Variants in SELENON observed in about 807,000 individuals in gnomAD.
SELENON encodes the protein selenoprotein N.
SELENON carries 44 observed loss-of-function variants against 59.5 expected under a neutral mutation model. That is an observed-to-expected ratio of 0.74 (90% CI 0.58 to 0.95). The LOEUF is 0.95. Ranked by LOEUF, SELENON falls within the 40% of genes least tolerant of loss-of-function variation. The probability of loss-of-function intolerance (pLI) is 0.00; values close to 1 mark genes in which losing one functional copy is unlikely to be tolerated. For synonymous variants in SELENON, 320 were observed against 305.6 expected (o/e 1.05, Z -0.49); for missense variants, 674 against 721.4 (o/e 0.93, Z 0.75).
At chr1:25,813,034 C>T (rs2047980321) in intron 10 of SELENON, among the ~76,000 whole-genome samples, 1 of 152,200 alleles carries the variant, frequency 6.6e-6, no homozygotes, top group Non-Finnish European at 1.5e-5. Flanking sequence ...GCTTGGTAAC[C>T]TTGACCAAGT....
rs1290299249 is a variant in SELENON at position 25,807,194 on chromosome 1, A to C, written c.538-1386A>C. Among the ~76,000 whole-genome samples, 1 of 152,106 alleles carries C rather than the reference A, an allele frequency of 6.6e-6. No individual in the cohort carries two copies. The highest frequency in any genetic ancestry group is 1.5e-5 in the Non-Finnish European group (1 of 68,032). ...GGTTCAGGGAGGGACAGAAATTCCA[A>C]GGAGGAGCTCACAGGGAAGGGCATT... On this transcript the variant is annotated intron_variant, in intron 4 of 12. Transcript: ENST00000361547. The surrounding 1 kb of genome is among the most constrained non-coding windows in gnomAD (Gnocchi z 4.5).
Position 25,809,751 on chromosome 1 carries a change from C to T in SELENON, c.941C>T (p.Thr314Ile), listed in dbSNP as rs2047942219. 2 of 1,614,152 alleles carry T rather than the reference C, an allele frequency of 1.2e-6. No homozygotes were observed. Among genetic ancestry groups the T allele is most frequent in the East Asian group, 4.5e-5 (2 of 44,880 alleles). Residue 314 changes from threonine (T) to isoleucine (I), a missense_variant, in exon 7 of 13, where the codon ACC (threonine) becomes ATC (isoleucine). Physicochemically the swap from Thr to Ile is moderately conservative, Grantham distance 89 (BLOSUM62 -1). Coordinates refer to ENST00000361547, the MANE Select transcript of SELENON (RefSeq NM_020451.3). ...TTTTGGTTCTCCCCTGCTCAGTTCA[C>T]CGGCCACATCATCCTCTCCAAAGAC...
intron 10 of SELENON, chr1:25,813,568 GTTCCAGGTAGAGGAACAGCC>G: frequency 2.3e-6 from 1 of 439,202 alleles, no homozygotes; most frequent in East Asian, 5.7e-5. Context: ...CGGATGGAGT[GTTCCAGGTAGAGGAACAGCC>G]TGTGTGAAGG....
intron 8 of SELENON, 73 bp downstream of exon 7, chr1:25,811,608 G>A: frequency 6.2e-7 from 1 of 1,603,566 alleles, no homozygotes; most frequent in Non-Finnish European, 8.5e-7. Flanking sequence ...AATGAGTGGA[G>A]CATTTTGGAG....
chr1:25,806,755 C>T (rs529202376), intron 4 of SELENON, among the ~76,000 whole-genome samples: 1 of 151,846 alleles, frequency 6.6e-6, no homozygotes, highest in African/African-American at 2.4e-5. Flanking sequence ...GACCTTGAGG[C>T]TGGCACCTGT....
chr1:25,808,654 C>T lies in SELENON; in HGVS notation c.612C>T (p.Arg204=), dbSNP rs779414516. The T allele has an allele frequency of 6.2e-7, 1 of 1,613,918 alleles. No homozygotes were observed. Among genetic ancestry groups the T allele is most frequent in the East Asian group, 2.2e-5 (1 of 44,902 alleles). ...CACCAAGTGCAGTGTTTGCCACCCGCCACTTCCAGCCCTTCCTTCCCCCGC... is the reference window on the plus strand; with the variant it reads ...CACCAAGTGCAGTGTTTGCCACCCGTCACTTCCAGCCCTTCCTTCCCCCGC... The change falls in exon 5 of 13, where the codon CGC becomes CGT. Residue 204 remains arginine (R), a synonymous_variant. Transcript: ENST00000361547.
Position 25,815,567 on chromosome 1 carries a change from A to C in SELENON, c.1622A>C (p.Asn541Thr), listed in dbSNP as rs374741857. The C allele has an allele frequency of 1.9e-6, 3 of 1,614,142 alleles. No homozygotes were observed. The highest frequency in any genetic ancestry group is 2.5e-6 in the Non-Finnish European group (3 of 1,180,008). Residue 541 changes from asparagine (N) to threonine (T), a missense_variant, in exon 13 of 13, where the codon AAC becomes ACC. Physicochemically the swap from Asn to Thr is moderately conservative, Grantham distance 65. Transcript: ENST00000361547. ...TCCCAGGTCCATCACATCAATGCCAACTACTTCTTGGACATCACCTCCGTG... is the reference window on the plus strand; with the variant it reads ...TCCCAGGTCCATCACATCAATGCCACCTACTTCTTGGACATCACCTCCGTG...
chr1:25,800,500 C>A, intron 1 of SELENON, 87 bp downstream of exon 1: 2 of 705,204 alleles, frequency 2.8e-6, no homozygotes, highest in Non-Finnish European at 3.6e-6. Flanking sequence ...TGGGCATGGA[C>A]GAGTCGGGGG....
At chr1:25,810,409 G>C (rs945994168) in intron 7 of SELENON, among the ~76,000 whole-genome samples, 1 of 152,232 alleles carries the variant, frequency 6.6e-6, no homozygotes, top group Non-Finnish European at 1.5e-5. Context: ...AGAGGACCCC[G>C]GAGGCCCTGG....
chr1:25,802,857 T>G (rs1171003930), intron 3 of SELENON, among the ~76,000 whole-genome samples: 1 of 152,222 alleles, frequency 6.6e-6, no homozygotes, highest in East Asian at 1.9e-4. Context: ...GGACACCTAC[T>G]TATTACCCAG....
rs749029211 is a variant in SELENON at position 25,811,885 on chromosome 1, G to T, written c.1281+6G>T. On this transcript the variant is annotated splice_donor_region_variant and intron_variant, in intron 9 of 12. Coordinates refer to ENST00000361547, the MANE Select transcript of SELENON (RefSeq NM_020451.3). ...CCATGTACCCCTTCAAGAAGGTGAGGCTGGGCAGGGGTGAAGGCCAGGGTC... is the reference window on the plus strand; with the variant it reads ...CCATGTACCCCTTCAAGAAGGTGAGTCTGGGCAGGGGTGAAGGCCAGGGTC... 1.2e-5 allele frequency: 19 copies of T among 1,556,774 alleles called. No homozygotes were observed. The highest frequency in any genetic ancestry group is 1.7e-5 in the Non-Finnish European group (19 of 1,150,524).
chr1:25,817,717 G>C lies in SELENON; in HGVS notation c.*1999G>C, dbSNP rs2048023513. ...CATGTGGCTCCAAAGTCTGCATCTG[G>C]ATTTGGGGGTGTTTTTTGGCATGGC... On this transcript the variant is annotated 3_prime_UTR_variant, in exon 13 of 13. Transcript: ENST00000361547. The C allele has an allele frequency of 6.6e-6, 1 of 152,222 alleles. No individual in the cohort carries two copies. Among genetic ancestry groups the C allele is most frequent in the Admixed American group, 6.5e-5 (1 of 15,276 alleles). The allele number at this position is 152,222 out of a possible 1,614,324, so 9.4% of individuals were successfully genotyped here. A position where few individuals can be genotyped will look rare whatever the true frequency, so the allele number is the denominator to read the frequency against.
chr1:25,804,193 G>A (rs2047882963), intron 3 of SELENON, among the ~76,000 whole-genome samples: 1 of 152,160 alleles, frequency 6.6e-6, no homozygotes, highest in Non-Finnish European at 1.5e-5. Flanking sequence ...AGGAGCAGCA[G>A]GGAGTGCTCA....
chr1:25,809,149 C>G lies in SELENON; in HGVS notation c.871C>G (p.Arg291Gly). The G allele has an allele frequency of 6.2e-7, 1 of 1,613,694 alleles. No individual in the cohort carries two copies. The highest frequency in any genetic ancestry group is 8.5e-7 in the Non-Finnish European group (1 of 1,180,002). ...CGACTTCTACTACACTGTGATGTTC[C>G]GGTGAGTGGGCCACACTGGCTGGCC... The change falls in exon 6 of 13, where the codon CGG (arginine) becomes GGG (glycine). Residue 291 changes from arginine (R) to glycine (G), a missense_variant and splice_region_variant. By Grantham distance (125) the Arg-to-Gly change is moderately radical (BLOSUM62 -2). Coordinates refer to ENST00000361547, the MANE Select transcript of SELENON (RefSeq NM_020451.3).
intron 2 of SELENON, among the ~76,000 whole-genome samples, chr1:25,801,715 T>A (rs984428183): frequency 4.6e-5 from 7 of 152,036 alleles, no homozygotes; most frequent in Non-Finnish European, 1.0e-4. Flanking sequence ...CTTGGCCACC[T>A]CCTCCGTGCC....
At chr1:25,802,525 T>A (rs2047869080) in intron 3 of SELENON, among the ~76,000 whole-genome samples, 1 of 152,102 alleles carries the variant, frequency 6.6e-6, no homozygotes, top group Non-Finnish European at 1.5e-5. Flanking sequence ...CCGGGCTGAT[T>A]TTGTATTTTT....
At chr1:25,800,851 T>A (rs1382808797) in intron 1 of SELENON, among the ~76,000 whole-genome samples, 192 bp from the exon 2 acceptor site, 1 of 151,866 alleles carries the variant, frequency 6.6e-6, no homozygotes, top group East Asian at 1.9e-4. Context: ...AGACAGTGGA[T>A]GAGCAGGGAC....
At position 25,816,493 on chromosome 1, in the gene SELENON, G is replaced by GC. The variant is rs1482177079; in HGVS notation, c.*777dup. ...ACAGGGTCTCTGCAGGACTGCGGGAGCCAGCGCTCCTGCCGCCCCTCTTGC... is the reference window on the plus strand; with the variant it reads ...ACAGGGTCTCTGCAGGACTGCGGGAGCCCAGCGCTCCTGCCGCCCCTCTTGC... On this transcript the variant is annotated 3_prime_UTR_variant, in exon 13 of 13. Transcript: ENST00000361547. 1 of 152,626 alleles carries GC rather than the reference G, an allele frequency of 6.6e-6. No homozygotes were observed. Among genetic ancestry groups the GC allele is most frequent in the Non-Finnish European group, 1.5e-5 (1 of 68,332 alleles). 9.5% of individuals were successfully genotyped at this position (152,626 alleles called of 1,614,324 possible). A position where few individuals can be genotyped will look rare whatever the true frequency, so the allele number is the denominator to read the frequency against.
At chr1:25,810,488 A>G (rs562312366) in intron 7 of SELENON, among the ~76,000 whole-genome samples, 1 of 152,296 alleles carries the variant, frequency 6.6e-6, no homozygotes, top group East Asian at 1.9e-4. Context: ...ACCGCTCTAC[A>G]GGGATGAGAC....
Sources: allele counts gnomAD v4.1 joint callset (sites outside exome capture counted in the v4.1 genomes callset), GRCh38; gene constraint gnomAD v4.1.1; non-coding constraint Gnocchi (gnomAD v3.1); transcripts MANE v1.5; gene names NCBI Gene and HGNC (gene_info 2026-07-23, HGNC 2026-07-21).